PPARGC1A: variants seen among roughly 807,000 people sequenced by gnomAD.
The protein encoded by PPARGC1A is peroxisome proliferator-activated receptor gamma coactivator 1-alpha.
PPARGC1A carries 25 observed loss-of-function variants against 88.7 expected under a neutral mutation model. The observed-to-expected ratio is 0.28, with a 90% confidence interval of 0.21 to 0.39. PPARGC1A has a LOEUF of 0.39. Ranked by LOEUF, PPARGC1A falls within the 10% of genes least tolerant of loss-of-function variation. The pLI is 1.00. For synonymous variants in PPARGC1A, 363 were observed against 355.6 expected (o/e 1.02, Z -0.24); for missense variants, 880 against 968.7 (o/e 0.91, Z 1.22).
chr4:23,944,703 G>C, the PPARGC1A span, among the ~76,000 whole-genome samples: 1 of 152,108 alleles, frequency 6.6e-6, no homozygotes, highest in Admixed American at 6.6e-5. Flanking sequence ...TCATGATAGT[G>C]AGTTAGTTCT....
the PPARGC1A span, among the ~76,000 whole-genome samples, chr4:23,951,291 C>A: frequency 6.6e-6 from 1 of 151,982 alleles, no homozygotes; most frequent in Non-Finnish European, 1.5e-5. Flanking sequence ...GAAGGGTATG[C>A]CAGGCAGAGG....
intron 7 of PPARGC1A, among the ~76,000 whole-genome samples, chr4:23,815,237 G>T (rs1186229528): frequency 6.6e-6 from 1 of 152,016 alleles, no homozygotes; most frequent in Non-Finnish European, 1.5e-5. Context: ...CAGGGACCTA[G>T]AGCAACTCTA....
the PPARGC1A span, among the ~76,000 whole-genome samples, chr4:24,150,608 TC>T: frequency 1.3e-5 from 2 of 152,248 alleles, no homozygotes; most frequent in Admixed American, 6.5e-5. Flanking sequence ...AGAGCATAAC[TC>T]CTGAATTCCA....
At chr4:24,147,274 C>T in the PPARGC1A span, among the ~76,000 whole-genome samples, 161 of 152,272 alleles carry the variant, frequency 1.1e-3, no homozygotes, top group Admixed American at 1.7e-3. Flanking sequence ...ATGCTCGAAC[C>T]GGAAGGTCGG....
upstream of PPARGC1A, among the ~76,000 whole-genome samples, chr4:23,906,077 G>A (rs1719993139): frequency 6.6e-6 from 1 of 152,146 alleles, no homozygotes; most frequent in African/African-American, 2.4e-5. Context: ...CTTACAACAA[G>A]TGTCTCTAAA....
the PPARGC1A span, among the ~76,000 whole-genome samples, chr4:24,354,744 G>A: frequency 3.3e-5 from 5 of 151,908 alleles, no homozygotes; most frequent in Admixed American, 1.3e-4. Context: ...AAAATTAGCC[G>A]GGCATGGTGG....
At chr4:24,142,540 G>T in the PPARGC1A span, among the ~76,000 whole-genome samples, 1,367 of 152,226 alleles carry the variant, frequency 9.0e-3, 27 homozygotes, top group African/African-American at 0.031. Flanking sequence ...CAGGTGTCAT[G>T]GCGGGTGCCT....
chr4:24,172,367 A>G, the PPARGC1A span, among the ~76,000 whole-genome samples: 1 of 152,268 alleles, frequency 6.6e-6, no homozygotes, highest in Non-Finnish European at 1.5e-5. Flanking sequence ...CATTTTTTAA[A>G]GAACATTTAC....
chr4:24,208,692 T>TAC, the PPARGC1A span, among the ~76,000 whole-genome samples: 32 of 120,682 alleles, frequency 2.7e-4, no homozygotes, highest in Admixed American at 1.5e-3. Flanking sequence ...AATATATATA[T>TAC]ATATATATAT....
the PPARGC1A span, among the ~76,000 whole-genome samples, chr4:23,938,558 G>C: frequency 6.6e-6 from 1 of 152,176 alleles, no homozygotes; most frequent in Non-Finnish European, 1.5e-5. Flanking sequence ...AGAGAATGAT[G>C]AATGCTAAAG....
chr4:24,214,859 A>G, the PPARGC1A span, among the ~76,000 whole-genome samples: 1 of 152,204 alleles, frequency 6.6e-6, no homozygotes, highest in African/African-American at 2.4e-5. Flanking sequence ...CAAAAGGAGA[A>G]AAAGGCAAAA....
chr4:24,234,344 G>A, the PPARGC1A span, among the ~76,000 whole-genome samples: 256 of 152,226 alleles, frequency 1.7e-3, no homozygotes, highest in Middle Eastern at 3.4e-3. Flanking sequence ...GCATCTTTGG[G>A]TTTTCTATTT....
At chr4:24,147,367 C>A in the PPARGC1A span, among the ~76,000 whole-genome samples, 1 of 152,182 alleles carries the variant, frequency 6.6e-6, no homozygotes, top group African/African-American at 2.4e-5. Context: ...GGAGACAATG[C>A]CAAGCTTAGC....
the PPARGC1A span, among the ~76,000 whole-genome samples, chr4:23,985,295 T>A: frequency 2.0e-5 from 3 of 152,044 alleles, no homozygotes; most frequent in Non-Finnish European, 4.4e-5. Context: ...TCACTTCTGG[T>A]ATCTCAGTCC....
At chr4:24,361,048 T>C in the PPARGC1A span, among the ~76,000 whole-genome samples, 3 of 152,016 alleles carry the variant, frequency 2.0e-5, no homozygotes, top group African/African-American at 7.2e-5. Context: ...TGAGAGGAGA[T>C]AACGAGGCAA....
chr4:24,011,321 G>A, the PPARGC1A span, among the ~76,000 whole-genome samples: 1 of 152,050 alleles, frequency 6.6e-6, no homozygotes, highest in Non-Finnish European at 1.5e-5. Context: ...AGGGCTTGGA[G>A]GAAACAAGAC....
the PPARGC1A span, among the ~76,000 whole-genome samples, chr4:24,373,671 C>A: frequency 6.6e-6 from 1 of 152,086 alleles, no homozygotes; most frequent in Non-Finnish European, 1.5e-5. Context: ...AAAAGGAGAG[C>A]ACAGGATTAA....
At chr4:23,826,156 A>G (rs1309722420) in intron 5 of PPARGC1A, among the ~76,000 whole-genome samples, 2 of 152,138 alleles carry the variant, frequency 1.3e-5, no homozygotes, top group Non-Finnish European at 2.9e-5. Flanking sequence ...GGAGATGGCA[A>G]CAGTCATAGT....
the PPARGC1A span, among the ~76,000 whole-genome samples, chr4:24,404,131 C>T: frequency 6.6e-6 from 1 of 151,946 alleles, no homozygotes; most frequent in African/African-American, 2.4e-5. Flanking sequence ...GGCATGGTGG[C>T]ACACACCTGT....
Sources: gnomAD v4.1 joint callset for allele counts (sites outside exome capture counted in the v4.1 genomes callset) on GRCh38, gnomAD v4.1.1 for gene constraint, MANE v1.5 for transcripts, NCBI Gene and HGNC (gene_info 2026-07-23, HGNC 2026-07-21) for gene names.